PDZRN3: variants seen among roughly 807,000 people sequenced by gnomAD.
PDZRN3 encodes E3 ubiquitin-protein ligase PDZRN3.
In PDZRN3, 38 loss-of-function variants were observed where a neutral mutation model predicts 85.7. The observed-to-expected ratio is 0.44, with a 90% CI of 0.34 to 0.58. The LOEUF (loss-of-function observed/expected upper bound fraction) is 0.58. Ranked by LOEUF, PDZRN3 falls within the 20% of genes least tolerant of loss-of-function variation. The pLI is 0.01. For missense variants in PDZRN3, 1,629 were observed against 1,506.4 expected (o/e 1.08, Z -1.35); for synonymous variants, 759 against 638.0 (o/e 1.19, Z -2.86).
chr3:73,595,337 G>A (rs1454933965), intron 3 of PDZRN3, among the ~76,000 whole-genome samples: 1 of 152,162 alleles, frequency 6.6e-6, no homozygotes, highest in East Asian at 1.9e-4. Flanking sequence ...CTTCTTAAGT[G>A]GATAACTGCT....
chr3:73,583,056 T>C (rs1396719344), intron 3 of PDZRN3, among the ~76,000 whole-genome samples: 1 of 152,192 alleles, frequency 6.6e-6, no homozygotes, highest in Non-Finnish European at 1.5e-5. Flanking sequence ...CTATCAATAA[T>C]CATAATGTGA....
At chr3:73,518,556 CTG>C (rs1704294723) in intron 3 of PDZRN3, among the ~76,000 whole-genome samples, 1 of 151,968 alleles carries the variant, frequency 6.6e-6, no homozygotes, top group Non-Finnish European at 1.5e-5. Flanking sequence ...AAAAAAAAGA[CTG>C]AGGTATACCT....
At chr3:73,550,867 C>T (rs1701536495) in intron 3 of PDZRN3, among the ~76,000 whole-genome samples, 1 of 152,234 alleles carries the variant, frequency 6.6e-6, no homozygotes, top group South Asian at 2.1e-4. Flanking sequence ...AAGGGTCATA[C>T]AGACAGCAAT....
In PDZRN3 at chr3:73,391,010, C is replaced by T. The variant is rs1465521573; in HGVS notation, c.1353+8G>A. 1.3e-6 allele frequency: 2 copies of T among 1,595,352 alleles called. No homozygotes were observed. Among genetic ancestry groups the T allele is most frequent in the East Asian group, 2.2e-5 (1 of 44,784 alleles). ...CGATAGTTAGAAAAACAAAATCAGCCTTTGTACCTCACTGATATAAATCCC... is the reference window on the plus strand; with the variant it reads ...CGATAGTTAGAAAAACAAAATCAGCTTTTGTACCTCACTGATATAAATCCC... On this transcript the variant is annotated splice_region_variant and intron_variant, in intron 6 of 9. Transcript: ENST00000263666.
chr3:73,489,922 G>A (rs1703739455), intron 3 of PDZRN3, among the ~76,000 whole-genome samples: 3 of 152,018 alleles, frequency 2.0e-5, no homozygotes, highest in African/African-American at 7.3e-5. Context: ...GGTTCAGAAG[G>A]TCTCTCAGGC....
chr3:73,434,484 G>A (rs1702494256), intron 3 of PDZRN3, among the ~76,000 whole-genome samples: 2 of 152,192 alleles, frequency 1.3e-5, no homozygotes, highest in Admixed American at 1.3e-4. Context: ...AGTATGCAAA[G>A]TAGCTAGGGG....
chr3:73,517,403 C>T (rs1056203788), intron 3 of PDZRN3, among the ~76,000 whole-genome samples: 2 of 152,156 alleles, frequency 1.3e-5, no homozygotes, highest in African/African-American at 4.8e-5. Context: ...AAAGAGCTCT[C>T]AACAAAACAT....
At chr3:73,433,764 CT>C in intron 3 of PDZRN3, 1 of 1,534,724 alleles carries the variant, frequency 6.5e-7, no homozygotes, top group African/African-American at 1.4e-5. Flanking sequence ...GGAAAAGCAG[CT>C]CCCTTACAGT....
chr3:73,617,255 G>T (rs1702777654), intron 1 of PDZRN3, among the ~76,000 whole-genome samples: 1 of 152,188 alleles, frequency 6.6e-6, no homozygotes, highest in African/African-American at 2.4e-5. Context: ...TAAATTCCCT[G>T]TAAATATATG....
chr3:73,416,880 T>A (rs1280800552), intron 3 of PDZRN3, among the ~76,000 whole-genome samples: 4 of 13,120 alleles, frequency 3.0e-4, no homozygotes, highest in African/African-American at 1.3e-3. Context: ...TTTTTGGTTT[T>A]TTTTTTTTTT....
At chr3:73,495,525 T>C (rs1703850286) in intron 3 of PDZRN3, among the ~76,000 whole-genome samples, 1 of 152,232 alleles carries the variant, frequency 6.6e-6, no homozygotes, top group Non-Finnish European at 1.5e-5. Context: ...AGACCTTTCT[T>C]ATCCGTGCGC....
At chr3:73,432,929 G>C (rs1702461142) in intron 3 of PDZRN3, among the ~76,000 whole-genome samples, 1 of 152,024 alleles carries the variant, frequency 6.6e-6, no homozygotes, top group South Asian at 2.1e-4. Context: ...AGTAGGACTT[G>C]AATATTTAAA....
chr3:73,386,570 C>G (rs1701394039), intron 8 of PDZRN3, among the ~76,000 whole-genome samples: 1 of 152,116 alleles, frequency 6.6e-6, no homozygotes, highest in Non-Finnish European at 1.5e-5. Flanking sequence ...ACTCTATAGC[C>G]CATGGGCTGA....
At chr3:73,507,634 T>A (rs549697039) in intron 3 of PDZRN3, among the ~76,000 whole-genome samples, 1 of 152,216 alleles carries the variant, frequency 6.6e-6, no homozygotes, top group Admixed American at 6.5e-5. Context: ...AGTTTGACAA[T>A]GTCAGGTCTA....
At chr3:73,442,969 A>AC (rs1702671295) in intron 3 of PDZRN3, among the ~76,000 whole-genome samples, 2 of 151,746 alleles carry the variant, frequency 1.3e-5, no homozygotes, top group East Asian at 1.9e-4. Flanking sequence ...ACTGCAGCCT[A>AC]CCTCCCTCCC....
chr3:73,587,951 T>TA (rs1453428310), intron 3 of PDZRN3, among the ~76,000 whole-genome samples: 1 of 152,004 alleles, frequency 6.6e-6, no homozygotes, highest in Non-Finnish European at 1.5e-5. Flanking sequence ...ACTTGTTTTT[T>TA]AAAAAAATTT....
chr3:73,444,181 A>C (rs1413742293), intron 3 of PDZRN3, among the ~76,000 whole-genome samples: 1 of 152,126 alleles, frequency 6.6e-6, no homozygotes, highest in African/African-American at 2.4e-5. Context: ...CCCTACCTGG[A>C]ATACCTTCCA....
chr3:73,500,089 T>A (rs1036352413), intron 3 of PDZRN3, among the ~76,000 whole-genome samples: 37 of 152,306 alleles, frequency 2.4e-4, no homozygotes, highest in African/African-American at 8.9e-4. Flanking sequence ...AGGGTCACAC[T>A]ATGTCACCCT....
intron 3 of PDZRN3, among the ~76,000 whole-genome samples, chr3:73,454,991 C>A (rs906288464): frequency 3.3e-5 from 5 of 151,690 alleles, no homozygotes; most frequent in African/African-American, 1.2e-4. Flanking sequence ...TCCTGGAGTT[C>A]CATTCAATTA....
Sources: allele counts gnomAD v4.1 joint callset (sites outside exome capture counted in the v4.1 genomes callset), GRCh38; gene constraint gnomAD v4.1.1; transcripts MANE v1.5; gene names NCBI Gene and HGNC (gene_info 2026-07-23, HGNC 2026-07-21).